Variants in GTF2F2 observed in about 807,000 individuals in gnomAD.
The protein encoded by GTF2F2 is general transcription factor IIF subunit 2.
A neutral mutation model predicts 42.2 loss-of-function variants in GTF2F2; 23 were observed. The ratio of observed to expected loss-of-function variants is 0.55; its 90% CI spans 0.39 to 0.77. The LOEUF (loss-of-function observed/expected upper bound fraction) is 0.77, where lower values mean the gene tolerates loss of function less well. Among genes scored for constraint, GTF2F2 ranks in the 30% least tolerant of loss-of-function variants. The pLI, the probability that GTF2F2 is intolerant of heterozygous loss-of-function variation, is 0.00. For missense variants in GTF2F2, 261 were observed against 287.2 expected, an observed-to-expected ratio of 0.91 and a Z score of 0.66; for synonymous variants, 105 against 100.8, an observed-to-expected ratio of 1.04 and a Z score of -0.25.
chr13:45,269,149 A>G (rs909773734), intron 7 of GTF2F2, among the ~76,000 whole-genome samples: 4 of 152,250 alleles, frequency 2.6e-5, no homozygotes, highest in African/African-American at 7.2e-5. Context: ...CTCAATAAGC[A>G]TAAGATTCCT....
chr13:45,248,277 A>G (rs906144300), intron 5 of GTF2F2, among the ~76,000 whole-genome samples: 5 of 152,180 alleles, frequency 3.3e-5, no homozygotes, highest in African/African-American at 9.7e-5. Context: ...TAGAATAGCA[A>G]TTATTTTATA....
intron 2 of GTF2F2, among the ~76,000 whole-genome samples, chr13:45,140,564 T>C (rs530388659): frequency 6.6e-6 from 1 of 152,334 alleles, no homozygotes; most frequent in Non-Finnish European, 1.5e-5. Context: ...AAATAGTTAT[T>C]TATTTGTATA....
At chr13:45,157,725 A>G (rs944617718) in intron 4 of GTF2F2, among the ~76,000 whole-genome samples, 2 of 151,784 alleles carry the variant, frequency 1.3e-5, no homozygotes, top group Admixed American at 1.3e-4. Context: ...GTCGCATGCC[A>G]CCATGCCTGG....
At chr13:45,221,956 C>T (rs997554220) in intron 5 of GTF2F2, among the ~76,000 whole-genome samples, 1 of 152,014 alleles carries the variant, frequency 6.6e-6, no homozygotes, top group Admixed American at 6.6e-5. Context: ...AGCCCCCTTC[C>T]AACCATGCAG....
At chr13:45,124,880 A>G (rs900525229) in intron 1 of GTF2F2, among the ~76,000 whole-genome samples, 5 of 151,970 alleles carry the variant, frequency 3.3e-5, no homozygotes, top group African/African-American at 4.8e-5. Context: ...GGGTTTCACC[A>G]TGTTGGCCAA....
chr13:45,144,003 A>G (rs1045363510), intron 2 of GTF2F2, among the ~76,000 whole-genome samples: 2 of 152,036 alleles, frequency 1.3e-5, no homozygotes, highest in Non-Finnish European at 2.9e-5. Context: ...TGTAATCCTA[A>G]CACTTTGGGA....
intron 5 of GTF2F2, among the ~76,000 whole-genome samples, chr13:45,248,618 C>T (rs776297039): frequency 2.6e-5 from 4 of 151,964 alleles, no homozygotes; most frequent in East Asian, 1.9e-4. Context: ...GGATTACAGG[C>T]GCCTGCCACC....
chr13:45,127,805 G>A (rs1256283043), intron 1 of GTF2F2, among the ~76,000 whole-genome samples: 2 of 151,448 alleles, frequency 1.3e-5, no homozygotes, highest in East Asian at 1.9e-4. Context: ...GCTAATTTTT[G>A]TATTTTTGGT....
chr13:45,191,109 C>T (rs1425103334), intron 4 of GTF2F2, among the ~76,000 whole-genome samples: 1 of 149,834 alleles, frequency 6.7e-6, no homozygotes, highest in African/African-American at 2.5e-5. Flanking sequence ...CAGTGGCTCA[C>T]GCCTGTAATC....
intron 7 of GTF2F2, among the ~76,000 whole-genome samples, chr13:45,271,373 G>A (rs1393735619): frequency 6.6e-6 from 1 of 151,266 alleles, no homozygotes; most frequent in Non-Finnish European, 1.5e-5. Context: ...ATTCAGAGAA[G>A]TTTATTTTTA....
intron 5 of GTF2F2, among the ~76,000 whole-genome samples, chr13:45,219,988 A>G (rs1206048657): frequency 6.6e-6 from 1 of 152,222 alleles, no homozygotes; most frequent in African/African-American, 2.4e-5. Context: ...AAAATATGCC[A>G]ATGAGCAGTA....
Position 45,284,366 on chromosome 13 carries a change from G to A in GTF2F2, c.*805G>A, listed in dbSNP as rs1362030315. On this transcript the variant is annotated 3_prime_UTR_variant, in exon 8 of 8. Coordinates refer to ENST00000340473, the MANE Select transcript of GTF2F2 (RefSeq NM_004128.3). Reference sequence around the variant, plus strand: ...GATATCAGCAAATCAAAAGATGGGCGTAGGGGTCCAGCCGAGACAGAAAAC... The same window carrying A: ...GATATCAGCAAATCAAAAGATGGGCATAGGGGTCCAGCCGAGACAGAAAAC... 2 of 152,094 alleles carry A rather than the reference G, an allele frequency of 1.3e-5. No homozygotes were observed. Among genetic ancestry groups the A allele is most frequent in the Admixed American group, 6.6e-5 (1 of 15,260 alleles). The allele number at this position is 152,094 out of a possible 1,614,324, so 9.4% of individuals were successfully genotyped here. A position where few individuals can be genotyped will look rare whatever the true frequency, so the allele number is the denominator to read the frequency against.
At chr13:45,259,434 A>C (rs1186566285) in intron 6 of GTF2F2, among the ~76,000 whole-genome samples, 1 of 152,068 alleles carries the variant, frequency 6.6e-6, no homozygotes, top group Non-Finnish European at 1.5e-5. Flanking sequence ...CTCAAAAAAA[A>C]CAAAACAAAA....
At chr13:45,202,822 G>A (rs1383010068) in intron 4 of GTF2F2, among the ~76,000 whole-genome samples, 3 of 151,322 alleles carry the variant, frequency 2.0e-5, no homozygotes, top group Admixed American at 1.3e-4. Flanking sequence ...GCATGGTGGC[G>A]CACGCCTGTA....
At chr13:45,239,836 A>G (rs1485155921) in intron 5 of GTF2F2, among the ~76,000 whole-genome samples, 3 of 152,204 alleles carry the variant, frequency 2.0e-5, no homozygotes, top group South Asian at 4.1e-4. Flanking sequence ...GCTTCATTAT[A>G]TCTAAGATGC....
intron 4 of GTF2F2, among the ~76,000 whole-genome samples, chr13:45,180,766 T>A (rs1371240704): frequency 6.6e-6 from 1 of 152,180 alleles, no homozygotes; most frequent in Non-Finnish European, 1.5e-5. Context: ...TAGAAGGGTG[T>A]AGTGACTTGA....
rs370971827 is a variant in GTF2F2 at position 45,150,647 on chromosome 13, GAA to G, written c.159+870_159+871del. 3.9e-3 allele frequency among the ~76,000 whole-genome samples: 508 copies of G among 130,394 alleles called. 3 individuals are homozygous for G. The highest frequency in any genetic ancestry group is 0.016 in the African/African-American group (494 of 31,230). The allele number at this position is 130,394 out of a possible 152,430, so 85.5% of individuals were successfully genotyped here. A position where few individuals can be genotyped will look rare whatever the true frequency, so the allele number is the denominator to read the frequency against. ...GACCTCAGACCTCAGAGATTTTAGG[GAA>G]AAAAAAAAAATCATCTTTTTTTTTT... is the stretch of plus-strand genomic sequence containing the variant. On this transcript the variant is annotated intron_variant, in intron 3 of 7. Transcript: ENST00000340473.
intron 4 of GTF2F2, among the ~76,000 whole-genome samples, chr13:45,202,617 GT>G: frequency 6.6e-6 from 1 of 152,192 alleles, no homozygotes; most frequent in South Asian, 2.1e-4. Context: ...TCAATATGCA[GT>G]TCCTATCTGC....
At chr13:45,271,676 C>T (rs552103003) in intron 7 of GTF2F2, among the ~76,000 whole-genome samples, 182 of 152,184 alleles carry the variant, frequency 1.2e-3, no homozygotes, top group Non-Finnish European at 2.1e-3. Context: ...CTCAGCCCCC[C>T]GAGTAGCTAG....
Sources: gnomAD v4.1 joint callset for allele counts (sites outside exome capture counted in the v4.1 genomes callset) on GRCh38, gnomAD v4.1.1 for gene constraint, MANE v1.5 for transcripts, NCBI Gene and HGNC (gene_info 2026-07-23, HGNC 2026-07-21) for gene names.